SHROOM3: variants seen among roughly 807,000 people sequenced by gnomAD.
The protein encoded by SHROOM3 is protein Shroom3.
In SHROOM3, 47 loss-of-function variants were observed where a neutral mutation model predicts 138.6. That is an observed-to-expected ratio of 0.34 (90% CI 0.27 to 0.43). SHROOM3 has a LOEUF of 0.43. Among genes scored for constraint, SHROOM3 ranks in the 20% least tolerant of loss-of-function variants. The probability of loss-of-function intolerance (pLI) is 1.00; values close to 1 mark genes in which losing one functional copy is unlikely to be tolerated. For synonymous variants in SHROOM3, 1,062 were observed against 1,063.3 expected (o/e 1.00, Z 0.02); for missense variants, 2,491 against 2,596.5 (o/e 0.96, Z 0.88).
Position 76,570,507 on chromosome 4 carries a change from T to G in SHROOM3, c.323+14744T>G, listed in dbSNP as rs192828607. On this transcript the variant is annotated intron_variant, in intron 2 of 10. Coordinates refer to ENST00000296043, the MANE Select transcript of SHROOM3 (RefSeq NM_020859.4). ...TTTGCCATTCCTCGTCACCTTTCCA[T>G]CACTGTCTCAAAGTCAGGGGCAGAG... is the stretch of plus-strand genomic sequence containing the variant. 5.7e-3 allele frequency among the ~76,000 whole-genome samples: 866 copies of G among 152,272 alleles called. 7 individuals are homozygous for G. The highest frequency in any genetic ancestry group is 0.02 in the Middle Eastern group (6 of 294).
chr4:76,730,295 T>C (rs1720834170), intron 3 of SHROOM3, among the ~76,000 whole-genome samples: 1 of 152,260 alleles, frequency 6.6e-6, no homozygotes, highest in Admixed American at 6.5e-5. Context: ...TTGCTGCTAA[T>C]GTTTCTGCAG....
chr4:76,622,177 G>A (rs1296091725), intron 2 of SHROOM3, among the ~76,000 whole-genome samples: 5 of 152,070 alleles, frequency 3.3e-5, no homozygotes, highest in Middle Eastern at 3.4e-3. Flanking sequence ...AGACCTAGTC[G>A]TGCTAGGGGC....
intron 2 of SHROOM3, among the ~76,000 whole-genome samples, chr4:76,579,892 G>C (rs1156233454): frequency 1.3e-5 from 2 of 152,148 alleles, no homozygotes; most frequent in Non-Finnish European, 2.9e-5. Flanking sequence ...CTTACTCTTT[G>C]ATCTCTCCAG....
At chr4:76,688,961 C>CT (rs71212442) in intron 2 of SHROOM3, 84,152 of 828,314 alleles carry the variant, frequency 0.1, 1,945 homozygotes, top group African/African-American at 0.24. Context: ...GTAATGCGAG[C>CT]TTTTTTTTTT....
In SHROOM3 at chr4:76,739,939, A is replaced by C; in HGVS notation, c.1766A>C (p.Lys589Thr). 1 of 1,614,198 alleles carries C rather than the reference A, an allele frequency of 6.2e-7. No individual in the cohort carries two copies. Among genetic ancestry groups the C allele is most frequent in the African/African-American group, 1.3e-5 (1 of 75,072 alleles). ...QGNSPHSNER[K>T]STHSNKPSSH... Reference sequence around the variant, plus strand: ...AACAGCCCACATTCCAATGAGAGAAAGAGCACCCACAGTAACAAACCATCT... The same window carrying C: ...AACAGCCCACATTCCAATGAGAGAACGAGCACCCACAGTAACAAACCATCT... Residue 589 changes from lysine (K) to threonine (T), a missense_variant, in exon 5 of 11, where the codon AAG becomes ACG. Physicochemically the swap from Lys to Thr is moderately conservative, Grantham distance 78. Around this residue, in one of 4 missense-constraint regions of SHROOM3, gnomAD observed 1,733 missense variants for 1,661.6 expected, o/e 1.04. Coordinates refer to ENST00000296043, the MANE Select transcript of SHROOM3 (RefSeq NM_020859.4).
chr4:76,598,125 AT>A (rs1734427537), intron 2 of SHROOM3, among the ~76,000 whole-genome samples: 4 of 150,504 alleles, frequency 2.7e-5, no homozygotes, highest in African/African-American at 7.3e-5. Flanking sequence ...TCCTGGGTTC[AT>A]GGGCATTCTC....
Position 76,557,228 on chromosome 4 carries a change from C to CACAG in SHROOM3, c.323+1468_323+1469insGACA, listed in dbSNP as rs771108223. The stretch of plus-strand genomic sequence containing the variant: ...GTATATATGTATATGTTTATGTATA[C>CACAG]ACACACACACACACACACACACACA... On this transcript the variant is annotated intron_variant, in intron 2 of 10. Transcript: ENST00000296043. Among the ~76,000 whole-genome samples, 5 of 105,552 alleles carry CACAG rather than the reference C, an allele frequency of 4.7e-5. No individual in the cohort carries two copies. The East Asian group carries it at 1.3e-3, about 28-fold the overall frequency. 69.2% of individuals were successfully genotyped at this position (105,552 alleles called of 152,430 possible).
intron 2 of SHROOM3, among the ~76,000 whole-genome samples, chr4:76,667,476 C>T (rs6817274): frequency 0.22 from 33,112 of 151,718 alleles, 3,758 homozygotes; most frequent in East Asian, 0.35. Context: ...GCCATCATAC[C>T]CAGATAATTT....
At chr4:76,451,847 T>A (rs891572563) in intron 1 of SHROOM3, among the ~76,000 whole-genome samples, 2 of 152,226 alleles carry the variant, frequency 1.3e-5, no homozygotes, top group Non-Finnish European at 2.9e-5. Flanking sequence ...AAGGTTTTTT[T>A]AGAAACAGAG....
At position 76,782,274 on chromosome 4, in the gene SHROOM3, T is replaced by TC. The variant is rs2109803015; in HGVS notation, c.*3097_*3098insC. 1.3e-5 allele frequency: 2 copies of TC among 152,060 alleles called. No homozygotes were observed. Among genetic ancestry groups the TC allele is most frequent in the South Asian group, 4.1e-4 (2 of 4,822 alleles). 9.4% of individuals were successfully genotyped at this position (152,060 alleles called of 1,614,324 possible). ...TTGCTCTATGGGAACATTTTAGGGT[T>TC]TGTTTTGCACAGCTGGTTTCCAGAC... is the stretch of plus-strand genomic sequence containing the variant. On this transcript the variant is annotated 3_prime_UTR_variant, in exon 11 of 11. Transcript: ENST00000296043.
intron 1 of SHROOM3, among the ~76,000 whole-genome samples, chr4:76,552,006 C>A (rs377148325): frequency 7.1e-6 from 1 of 141,112 alleles, no homozygotes. Context: ...GGACTACAGG[C>A]GCCCGCCATC....
chr4:76,771,814 G>T (rs1481050433), intron 10 of SHROOM3, among the ~76,000 whole-genome samples: 1 of 152,204 alleles, frequency 6.6e-6, no homozygotes, highest in Non-Finnish European at 1.5e-5. Context: ...GCATTGAACA[G>T]AATTCCAGAG....
intron 2 of SHROOM3, among the ~76,000 whole-genome samples, chr4:76,666,220 A>G (rs1414962540): frequency 2.6e-5 from 4 of 152,246 alleles, no homozygotes. Context: ...TCAAAGCTGC[A>G]GAAAGTTCTG....
At chr4:76,738,611 C>A in intron 4 of SHROOM3, 150 bp from the exon 5 acceptor site, 2 of 814,146 alleles carry the variant, frequency 2.5e-6, no homozygotes, top group Non-Finnish European at 4.0e-6. Context: ...CAGAAGGAGG[C>A]TGAGCAAGGC....
intron 1 of SHROOM3, among the ~76,000 whole-genome samples, chr4:76,466,114 A>G (rs967259106): frequency 4.6e-5 from 7 of 152,208 alleles, no homozygotes; most frequent in Non-Finnish European, 5.9e-5. Flanking sequence ...GTCAAAAATG[A>G]AAAATGTAGG....
chr4:76,609,466 G>T (rs1008480817), intron 2 of SHROOM3, among the ~76,000 whole-genome samples: 1 of 152,044 alleles, frequency 6.6e-6, no homozygotes, highest in African/African-American at 2.4e-5. Flanking sequence ...TTTTTGTTTT[G>T]GAGAGATAGG....
At chr4:76,494,755 C>T (rs886233749) in intron 1 of SHROOM3, among the ~76,000 whole-genome samples, 1 of 152,136 alleles carries the variant, frequency 6.6e-6, no homozygotes, top group African/African-American at 2.4e-5. Flanking sequence ...TCGTGGTACC[C>T]TCTGTGTGGT....
intron 2 of SHROOM3, among the ~76,000 whole-genome samples, chr4:76,675,968 G>C (rs1322654757): frequency 2.0e-5 from 3 of 152,270 alleles, no homozygotes; most frequent in Non-Finnish European, 4.4e-5. Flanking sequence ...CAAAGTCAGG[G>C]GACCCTAAAG....
rs775547643 is a variant in SHROOM3, at chr4:76,754,990, G to A, written c.4507G>A (p.Asp1503Asn). ...VLRDSPPPHE[D>N]YEDEVFVRDP... ...GCGGGACTCCCCGCCACCTCATGAG[G>A]ATTATGAAGACGAAGTGTTTGTGAG... is the stretch of plus-strand genomic sequence containing the variant. Residue 1503 changes from aspartate to asparagine, a missense_variant, in exon 7 of 11, where the codon GAT becomes AAT. Physicochemically the swap from Asp to Asn is conservative, Grantham distance 23. Around this residue, in one of 4 missense-constraint regions of SHROOM3, gnomAD observed 1,733 missense variants for 1,661.6 expected, o/e 1.04. Transcript: ENST00000296043. 1 of 1,613,384 alleles carries A rather than the reference G, an allele frequency of 6.2e-7. No homozygotes were observed. Among genetic ancestry groups the A allele is most frequent in the Non-Finnish European group, 8.5e-7 (1 of 1,179,424 alleles).
Sources: allele counts gnomAD v4.1 joint callset (sites outside exome capture counted in the v4.1 genomes callset), GRCh38; gene constraint gnomAD v4.1.1; regional missense constraint gnomAD v4.1.1; transcripts MANE v1.5; gene names NCBI Gene and HGNC (gene_info 2026-07-23, HGNC 2026-07-21).